CYGB: variants seen among roughly 807,000 people sequenced by gnomAD.
CYGB encodes cytoglobin.
In CYGB, 13 loss-of-function variants were observed where a neutral mutation model predicts 20.7. That is an observed-to-expected ratio of 0.63 (90% CI 0.41 to 1.00). The LOEUF is 1.00. Ranked by LOEUF, CYGB falls within the 50% of genes least tolerant of loss-of-function variation. The pLI is 0.00. For synonymous variants in CYGB, 93 were observed against 107.4 expected, an observed-to-expected ratio of 0.87 and a Z score of 0.83; for missense variants, 218 against 257.2, an observed-to-expected ratio of 0.85 and a Z score of 1.04.
chr17:76,537,639 G>T lies in CYGB; in HGVS notation c.-97C>A. On this transcript the variant is annotated 5_prime_UTR_variant, in exon 1 of 4. Transcript: ENST00000293230. ...CGCCGGGAGCCGGGGCCGGCTGCGTGCGCGGCGGGCGGGCGAGGGGTAGAG... is the reference window on the plus strand; with the variant it reads ...CGCCGGGAGCCGGGGCCGGCTGCGTTCGCGGCGGGCGGGCGAGGGGTAGAG... 1 of 966,300 alleles carries T rather than the reference G, an allele frequency of 1.0e-6. No individual in the cohort carries two copies. 59.9% of individuals were successfully genotyped at this position (966,300 alleles called of 1,614,324 possible). A position where few individuals can be genotyped will look rare whatever the true frequency, so the allele number is the denominator to read the frequency against.
intron 1 of CYGB, among the ~76,000 whole-genome samples, chr17:76,549,132 G>A (rs1373790462): frequency 1.3e-5 from 2 of 152,144 alleles, no homozygotes; most frequent in Non-Finnish European, 2.9e-5. Flanking sequence ...CAATACACTG[G>A]ACTTTATCAA....
At position 76,533,903 on chromosome 17, in the gene CYGB, C is replaced by A. The variant is rs1017156258; in HGVS notation, c.144-2212G>T. On this transcript the variant is annotated intron_variant, in intron 1 of 3. Transcript: ENST00000293230. The surrounding 1 kb of genome is among the most constrained non-coding windows in gnomAD (Gnocchi z 4.5). ...AAAATTGGCTGGGTGTGGTGGTGCC[C>A]GTCTGTAGTCCTAGCTACTTGGGAG... 1.3e-5 allele frequency among the ~76,000 whole-genome samples: 2 copies of A among 151,912 alleles called. No homozygotes were observed. The highest frequency in any genetic ancestry group is 2.9e-5 in the Non-Finnish European group (2 of 67,994).
chr17:76,543,384 A>C (rs1277821215), intron 1 of CYGB: 1 of 341,052 alleles, frequency 2.9e-6, no homozygotes, highest in East Asian at 7.6e-5. Flanking sequence ...AGGAATAAGT[A>C]AGGAGTGAGG....
upstream of CYGB, among the ~76,000 whole-genome samples, chr17:76,541,955 T>A (rs921351769): frequency 1.3e-5 from 2 of 152,236 alleles, no homozygotes; most frequent in African/African-American, 4.8e-5. Context: ...TCTTGTTTCA[T>A]GCTCGGGACC....
At chr17:76,536,513 AAG>A (rs745676552) in intron 1 of CYGB, among the ~76,000 whole-genome samples, 4 of 152,246 alleles carry the variant, frequency 2.6e-5, no homozygotes, top group South Asian at 2.1e-4. Context: ...CACGTGTGGA[AAG>A]AGAGCATGGA....
chr17:76,543,409 A>G (rs1345025888), intron 1 of CYGB: 1 of 337,178 alleles, frequency 3.0e-6, no homozygotes, highest in Non-Finnish European at 5.8e-6. Context: ...CCCAGAAGCA[A>G]GGGACGGCTG....
At chr17:76,539,098 C>G (rs1481445550), upstream of CYGB, among the ~76,000 whole-genome samples, 1 of 152,072 alleles carries the variant, frequency 6.6e-6, no homozygotes, top group Non-Finnish European at 1.5e-5. Context: ...GAATGAAAAT[C>G]TAATGCCTCC....
intron 1 of CYGB, chr17:76,542,955 A>C (rs1383805430): frequency 3.9e-6 from 2 of 517,982 alleles, no homozygotes; most frequent in Non-Finnish European, 7.8e-6. Context: ...GTGCTCGGAA[A>C]CATCCACTCT....
At position 76,531,831 on chromosome 17, in the gene CYGB, T is replaced by G; in HGVS notation, c.144-140A>C. 1 of 690,354 alleles carries G rather than the reference T, an allele frequency of 1.4e-6. No individual in the cohort carries two copies. 42.8% of individuals were successfully genotyped at this position (690,354 alleles called of 1,614,324 possible). ...CCGTCACTGTTTTCACTACCATCAGTAGACCTCAGCATAGACCCTCCTCCC... is the reference window on the plus strand; with the variant it reads ...CCGTCACTGTTTTCACTACCATCAGGAGACCTCAGCATAGACCCTCCTCCC... On this transcript the variant is annotated intron_variant, in intron 1 of 3. Coordinates refer to ENST00000293230, the MANE Select transcript of CYGB (RefSeq NM_134268.5). The surrounding 1 kb of genome is among the most constrained non-coding windows in gnomAD (Gnocchi z 7.4).
chr17:76,541,628 G>A (rs1472719190), upstream of CYGB, among the ~76,000 whole-genome samples: 1 of 152,198 alleles, frequency 6.6e-6, no homozygotes, highest in Non-Finnish European at 1.5e-5. Context: ...AGGCATTTCT[G>A]CGACACCTCA....
chr17:76,547,492 A>C (rs540562747), intron 1 of CYGB: 34 of 152,436 alleles, frequency 2.2e-4, no homozygotes, highest in African/African-American at 7.5e-4. Context: ...CCTAAGGAGC[A>C]CAGACCCTCT....
chr17:76,537,658 G>T lies in CYGB; in HGVS notation c.-116C>A. The T allele has an allele frequency of 2.2e-6, 2 of 921,692 alleles. No individual in the cohort carries two copies. The highest frequency in any genetic ancestry group is 4.8e-5 in the South Asian group (1 of 20,816). The allele number at this position is 921,692 out of a possible 1,614,324, so 57.1% of individuals were successfully genotyped here. A position where few individuals can be genotyped will look rare whatever the true frequency, so the allele number is the denominator to read the frequency against. On this transcript the variant is annotated 5_prime_UTR_variant, in exon 1 of 4. Coordinates refer to ENST00000293230, the MANE Select transcript of CYGB (RefSeq NM_134268.5). Reference sequence around the variant, plus strand: ...CTGCGTGCGCGGCGGGCGGGCGAGGGGTAGAGCGCGGAGGGAGGGAGCGTG... The same window carrying T: ...CTGCGTGCGCGGCGGGCGGGCGAGGTGTAGAGCGCGGAGGGAGGGAGCGTG...
upstream of CYGB, chr17:76,540,641 G>A (rs2074980840): frequency 2.0e-6 from 3 of 1,503,322 alleles, no homozygotes; most frequent in Non-Finnish European, 2.8e-6. The surrounding 1 kb of genome is among the most constrained non-coding windows in gnomAD (Gnocchi z 5.0). Flanking sequence ...GCATGCCTGG[G>A]GGTGCACGTG....
Position 76,527,832 on chromosome 17 carries a change from C to T in CYGB, c.*746G>A, listed in dbSNP as rs989905522. 24 of 453,384 alleles carry T rather than the reference C, an allele frequency of 5.3e-5. No individual in the cohort carries two copies. The highest frequency in any genetic ancestry group is 3.5e-4 in the East Asian group (5 of 14,394). 28.1% of individuals were successfully genotyped at this position (453,384 alleles called of 1,614,324 possible). On this transcript the variant is annotated 3_prime_UTR_variant, in exon 4 of 4. Coordinates refer to ENST00000293230, the MANE Select transcript of CYGB (RefSeq NM_134268.5). ...CTGCCCCTGCCCATTCTAGGACAGC[C>T]GGTGAGTCAGTTCCTCTGAGGGAGT... is the stretch of plus-strand genomic sequence containing the variant.
intron 1 of CYGB, chr17:76,543,970 G>T: frequency 2.1e-6 from 1 of 465,250 alleles, no homozygotes. Flanking sequence ...ACGGGCAGTA[G>T]CGTGTGGGAA....
chr17:76,534,052 T>A (rs1222034087), intron 1 of CYGB, among the ~76,000 whole-genome samples: 1 of 151,994 alleles, frequency 6.6e-6, no homozygotes, highest in Admixed American at 6.6e-5. Flanking sequence ...ATAACAATGA[T>A]ATATATATTT....
At chr17:76,542,530 C>G (rs200930462), upstream of CYGB, 1 of 1,614,122 alleles carries the variant, frequency 6.2e-7, no homozygotes, top group Admixed American at 1.7e-5. Flanking sequence ...TCAATCCTGA[C>G]CCCAGTGCTT....
At chr17:76,537,345 C>T in intron 1 of CYGB, 55 bp downstream of exon 1, 5 of 1,512,808 alleles carry the variant, frequency 3.3e-6, no homozygotes, top group Admixed American at 2.1e-5. Context: ...CTCCTCTGCC[C>T]GGAGCCGCTG....
intron 1 of CYGB, 43 bp downstream of exon 1, chr17:76,537,357 C>T: frequency 6.5e-7 from 1 of 1,544,382 alleles, no homozygotes; most frequent in Non-Finnish European, 8.7e-7. Context: ...GAGCCGCTGC[C>T]GCCCTCCCTG....
Sources: allele counts gnomAD v4.1 joint callset (sites outside exome capture counted in the v4.1 genomes callset), GRCh38; gene constraint gnomAD v4.1.1; non-coding constraint Gnocchi (gnomAD v3.1); transcripts MANE v1.5; gene names NCBI Gene and HGNC (gene_info 2026-07-23, HGNC 2026-07-21).